The following TMEM178B variants were observed in gnomAD, a reference collection of about 807,000 sequenced individuals.
The protein encoded by TMEM178B is transmembrane protein 178B.
A neutral mutation model predicts 31.0 loss-of-function variants in TMEM178B; 5 were observed. The ratio of observed to expected loss-of-function variants is 0.16; its 90% confidence interval spans 0.08 to 0.34. TMEM178B has a LOEUF of 0.34. Among genes scored for constraint, TMEM178B ranks in the 10% least tolerant of loss-of-function variants. The pLI, the probability that TMEM178B is intolerant of heterozygous loss-of-function variation, is 1.00. For synonymous variants in TMEM178B, 164 were observed against 164.0 expected (o/e 1.00, Z 0.00); for missense variants, 275 against 400.3 (o/e 0.69, Z 2.67).
At chr7:141,325,886 G>T (rs939821332) in intron 2 of TMEM178B, among the ~76,000 whole-genome samples, 39 of 152,122 alleles carry the variant, frequency 2.6e-4, no homozygotes, top group African/African-American at 8.9e-4. Flanking sequence ...TAAAGACCTT[G>T]TAGGTTTAGT....
intron 2 of TMEM178B, among the ~76,000 whole-genome samples, chr7:141,331,277 A>G (rs1196815616): frequency 6.6e-6 from 1 of 152,214 alleles, no homozygotes. Context: ...AGTAGAAAAG[A>G]AAAGTATTGG....
chr7:141,508,582 T>A, the TMEM178B span, among the ~76,000 whole-genome samples: 5 of 152,284 alleles, frequency 3.3e-5, no homozygotes, highest in Middle Eastern at 3.4e-3. Context: ...TACCCAAAAC[T>A]GGTAACAAAA....
chr7:141,316,237 T>C (rs1477419621), intron 2 of TMEM178B, among the ~76,000 whole-genome samples: 1 of 152,198 alleles, frequency 6.6e-6, no homozygotes, highest in East Asian at 1.9e-4. Flanking sequence ...GGCCTATTTC[T>C]CTGCTTGGCA....
rs989213559 is a variant in TMEM178B at position 141,152,078 on chromosome 7, T to TG, written c.383-60511dup. Among the ~76,000 whole-genome samples the TG allele has an allele frequency of 1.1e-4, 17 of 152,218 alleles. No homozygotes were observed. In the East Asian group the frequency reaches 1.7e-3, roughly 16 times the overall value. On this transcript the variant is annotated intron_variant, in intron 1 of 3. Transcript: ENST00000565468. ...GTGAGTTGCCCTATGCTGAGAGGCA[T>TG]GGCACTGTGCAGGATTGGAGGAAGC...
At chr7:141,107,902 A>C (rs988579267) in intron 1 of TMEM178B, among the ~76,000 whole-genome samples, 1 of 152,200 alleles carries the variant, frequency 6.6e-6, no homozygotes, top group African/African-American at 2.4e-5. Flanking sequence ...GAAGAAAAGG[A>C]ATGGCAAATA....
chr7:141,197,247 T>C (rs573232092), intron 1 of TMEM178B, among the ~76,000 whole-genome samples: 75 of 152,292 alleles, frequency 4.9e-4, no homozygotes, highest in Non-Finnish European at 8.2e-4. Context: ...ACCACAGCAT[T>C]TTAAGATAAA....
intron 2 of TMEM178B, among the ~76,000 whole-genome samples, chr7:141,258,466 A>G (rs1262187050): frequency 6.6e-6 from 1 of 151,394 alleles, no homozygotes; most frequent in Non-Finnish European, 1.5e-5. Flanking sequence ...CTTGGTTTAA[A>G]TAATAAATCT....
chr7:141,447,347 G>A (rs1014644982), intron 3 of TMEM178B, among the ~76,000 whole-genome samples: 1 of 151,968 alleles, frequency 6.6e-6, no homozygotes, highest in African/African-American at 2.4e-5. Context: ...AAGACTTGGG[G>A]CAAGATCATG....
intron 2 of TMEM178B, among the ~76,000 whole-genome samples, chr7:141,219,511 G>A (rs1797220315): frequency 6.6e-6 from 1 of 152,062 alleles, no homozygotes; most frequent in South Asian, 2.1e-4. Context: ...CCACCTCCTT[G>A]CCCCAGAACT....
At chr7:141,397,767 A>T (rs1176919233) in intron 2 of TMEM178B, among the ~76,000 whole-genome samples, 2 of 152,232 alleles carry the variant, frequency 1.3e-5, no homozygotes, top group Non-Finnish European at 2.9e-5. Context: ...GAATACTTTC[A>T]TAGGAAGCTA....
intron 2 of TMEM178B, among the ~76,000 whole-genome samples, chr7:141,316,365 A>G (rs1799005253): frequency 6.6e-6 from 1 of 152,218 alleles, no homozygotes; most frequent in South Asian, 2.1e-4. Flanking sequence ...CAGTTAACTT[A>G]CAAACTTTAG....
At chr7:141,200,529 C>T (rs150084109) in intron 1 of TMEM178B, among the ~76,000 whole-genome samples, 39 of 152,176 alleles carry the variant, frequency 2.6e-4, no homozygotes, top group Admixed American at 7.9e-4. Flanking sequence ...CAGGGGATTC[C>T]GTGAATATGG....
intron 2 of TMEM178B, among the ~76,000 whole-genome samples, chr7:141,298,818 CA>C (rs1187183108): frequency 1.3e-5 from 2 of 152,222 alleles, no homozygotes; most frequent in African/African-American, 4.8e-5. Flanking sequence ...ATACCAATTT[CA>C]AAAACTTTGT....
At chr7:141,193,518 C>T (rs1796731052) in intron 1 of TMEM178B, among the ~76,000 whole-genome samples, 1 of 152,240 alleles carries the variant, frequency 6.6e-6, no homozygotes, top group African/African-American at 2.4e-5. Context: ...GGGGTACCCA[C>T]TTGCCATCTC....
intron 1 of TMEM178B, among the ~76,000 whole-genome samples, chr7:141,182,731 C>A (rs1337729299): frequency 6.6e-6 from 1 of 152,178 alleles, no homozygotes; most frequent in African/African-American, 2.4e-5. Flanking sequence ...TTCTCCCATA[C>A]TGTTCTTGTG....
At chr7:141,185,027 C>T (rs1170725193) in intron 1 of TMEM178B, among the ~76,000 whole-genome samples, 1 of 152,320 alleles carries the variant, frequency 6.6e-6, no homozygotes, top group East Asian at 1.9e-4. Flanking sequence ...TTCCCTTGCA[C>T]CCCTCGCAGG....
chr7:141,124,973 C>T (rs978908338), intron 1 of TMEM178B, among the ~76,000 whole-genome samples: 3 of 152,248 alleles, frequency 2.0e-5, no homozygotes, highest in East Asian at 1.9e-4. Flanking sequence ...TACCTAATAT[C>T]CCCCTTTATT....
At chr7:141,317,943 T>C (rs367689076) in intron 2 of TMEM178B, among the ~76,000 whole-genome samples, 85 of 152,350 alleles carry the variant, frequency 5.6e-4, no homozygotes, top group African/African-American at 1.9e-3. Context: ...AAGTGTAAAA[T>C]GCCAGAAGCA....
intron 1 of TMEM178B, among the ~76,000 whole-genome samples, chr7:141,143,254 A>G (rs1188004171): frequency 1.3e-5 from 2 of 152,150 alleles, no homozygotes; most frequent in African/African-American, 4.8e-5. Flanking sequence ...TTTTTGTAGC[A>G]ATTGCTTTTG....
Sources: allele counts gnomAD v4.1 joint callset (sites outside exome capture counted in the v4.1 genomes callset), GRCh38; gene constraint gnomAD v4.1.1; transcripts MANE v1.5; gene names NCBI Gene and HGNC (gene_info 2026-07-23, HGNC 2026-07-21).